MID1: variants seen among roughly 807,000 people sequenced by gnomAD.
The protein encoded by MID1 is midline 1.
MID1 carries 7 observed loss-of-function variants against 40.4 expected under a neutral mutation model. That is an observed-to-expected ratio of 0.17 (90% confidence interval 0.10 to 0.33). MID1 has a LOEUF of 0.33. Ranked by LOEUF, MID1 falls within the 10% of genes least tolerant of loss-of-function variation. The probability of loss-of-function intolerance (pLI) is 1.00; values close to 1 mark genes in which losing one functional copy is unlikely to be tolerated. For synonymous variants in MID1, 229 were observed against 221.2 expected, an observed-to-expected ratio of 1.04 and a Z score of -0.31; for missense variants, 367 against 558.5, an observed-to-expected ratio of 0.66 and a Z score of 3.46.
At chrX:10,786,499 G>T (rs1430676060) in intron 1 of MID1, among the ~76,000 whole-genome samples, 2 of 110,833 alleles carry the variant, frequency 1.8e-5, no homozygotes, top group Non-Finnish European at 3.8e-5. Context: ...AATCATGCTG[G>T]TATAAAGACA....
intron 2 of MID1, among the ~76,000 whole-genome samples, chrX:10,534,367 T>G (rs1463839169): frequency 8.9e-6 from 1 of 112,140 alleles, no homozygotes; most frequent in East Asian, 2.8e-4. Context: ...CATTTTTGTT[T>G]TTCAGATACT....
At chrX:10,574,267 G>A (rs1486932142) in intron 1 of MID1, among the ~76,000 whole-genome samples, 2 of 110,958 alleles carry the variant, frequency 1.8e-5, no homozygotes, top group African/African-American at 3.3e-5. Context: ...ACAAAGACTC[G>A]ACCAGCCATG....
chrX:10,749,930 G>A (rs192299863), intron 1 of MID1, among the ~76,000 whole-genome samples: 43 of 111,446 alleles, frequency 3.9e-4, no homozygotes, highest in African/African-American at 1.4e-3. Context: ...ATGAGATTTG[G>A]GCGGGGACAC....
At chrX:10,758,585 G>T (rs1375202434) in intron 1 of MID1, among the ~76,000 whole-genome samples, 1 of 99,430 alleles carries the variant, frequency 1.0e-5, no homozygotes, top group East Asian at 3.3e-4. Flanking sequence ...CCGCCTCCCA[G>T]GTTCATGCCA....
chrX:10,584,241 G>A (rs1182359297), intron 1 of MID1, among the ~76,000 whole-genome samples: 1 of 111,958 alleles, frequency 8.9e-6, no homozygotes, highest in East Asian at 2.8e-4. Context: ...CCACATCCCA[G>A]TACTGCTGCA....
chrX:10,472,680 C>T (rs1293858675), intron 6 of MID1, among the ~76,000 whole-genome samples: 1 of 112,478 alleles, frequency 8.9e-6, no homozygotes. Flanking sequence ...GATAAACAAA[C>T]TTCACTGGCA....
At chrX:10,604,176 AT>A (rs1419971371) in intron 1 of MID1, among the ~76,000 whole-genome samples, 1 of 111,996 alleles carries the variant, frequency 8.9e-6, no homozygotes, top group East Asian at 2.8e-4. Flanking sequence ...TAAAAAAAAA[AT>A]ATTTGAGCCA....
chrX:10,579,528 T>C (rs768591345), intron 1 of MID1, among the ~76,000 whole-genome samples: 28 of 111,965 alleles, frequency 2.5e-4, no homozygotes, highest in African/African-American at 6.2e-4. Context: ...GACGATGTTA[T>C]AGAGTAACTG....
chrX:10,501,690 G>T, intron 3 of MID1: 1 of 517,017 alleles, frequency 1.9e-6, no homozygotes, highest in Non-Finnish European at 3.1e-6. Context: ...GCTCATATCT[G>T]CCACCAATAA....
chrX:10,508,409 G>A (rs961263551), intron 3 of MID1, among the ~76,000 whole-genome samples: 1 of 112,515 alleles, frequency 8.9e-6, no homozygotes, highest in Non-Finnish European at 1.9e-5. Context: ...CAAATAAAAT[G>A]TATTAGTACA....
chrX:10,771,105 G>GA (rs199974083), intron 1 of MID1, among the ~76,000 whole-genome samples: 2,112 of 66,122 alleles, frequency 0.032, 74 homozygotes, highest in African/African-American at 0.091. Flanking sequence ...TCTGTCTCAA[G>GA]AAAAAAAAAA....
chrX:10,457,844 G>A (rs1158038257), intron 8 of MID1, among the ~76,000 whole-genome samples: 1 of 112,232 alleles, frequency 8.9e-6, no homozygotes, highest in Non-Finnish European at 1.9e-5. Flanking sequence ...CTTGTCTCTG[G>A]GCTTTTGCCC....
chrX:10,566,051 T>G (rs1934522433), intron 2 of MID1, among the ~76,000 whole-genome samples: 1 of 110,788 alleles, frequency 9.0e-6, no homozygotes, highest in African/African-American at 3.3e-5. Flanking sequence ...CTCAAGTGAT[T>G]CACTCTCCTC....
At chrX:10,629,524 C>A (rs1045128067) in intron 1 of MID1, among the ~76,000 whole-genome samples, 11 of 111,978 alleles carry the variant, frequency 9.8e-5, no homozygotes, top group Non-Finnish European at 1.3e-4. Flanking sequence ...TTTTTAATCA[C>A]CTTAAATGGC....
At chrX:10,701,709 T>C (rs16986252) in intron 1 of MID1, among the ~76,000 whole-genome samples, 10,590 of 112,095 alleles carry the variant, frequency 0.094, 784 homozygotes, top group African/African-American at 0.25. Flanking sequence ...TAGCAGCTCA[T>C]ATGCAAATAC....
At chrX:10,728,626 C>G (rs1782419164) in intron 1 of MID1, among the ~76,000 whole-genome samples, 1 of 112,034 alleles carries the variant, frequency 8.9e-6, no homozygotes, top group Admixed American at 9.4e-5. Context: ...TGGAAATTAT[C>G]AGGAATGAGA....
At chrX:10,626,068 G>T (rs1189787315) in intron 1 of MID1, among the ~76,000 whole-genome samples, 1 of 110,228 alleles carries the variant, frequency 9.1e-6, no homozygotes, top group Admixed American at 9.7e-5. Context: ...AATATGTGAG[G>T]CTATTATTAA....
chrX:10,639,365 A>G (rs1038841631), intron 1 of MID1, among the ~76,000 whole-genome samples: 2 of 112,147 alleles, frequency 1.8e-5, no homozygotes, highest in African/African-American at 6.5e-5. Context: ...TACGTGATGC[A>G]CGCACAAGCT....
At chrX:10,748,072 T>A (rs888961557) in intron 1 of MID1, among the ~76,000 whole-genome samples, 3 of 111,176 alleles carry the variant, frequency 2.7e-5, no homozygotes, top group Non-Finnish European at 5.7e-5. Flanking sequence ...CCCAAATCAT[T>A]AGGAGCTTAT....
Sources: allele counts gnomAD v4.1 joint callset (sites outside exome capture counted in the v4.1 genomes callset), GRCh38; gene constraint gnomAD v4.1.1; transcripts MANE v1.5; gene names NCBI Gene and HGNC (gene_info 2026-07-23, HGNC 2026-07-21).